Variants in PKIB observed in about 807,000 individuals in gnomAD.
The protein encoded by PKIB is cAMP-dependent protein kinase inhibitor beta.
PKIB carries 2 observed loss-of-function variants against 4.5 expected under a neutral mutation model. That is an observed-to-expected ratio of 0.44 (90% CI 0.18 to 1.39). The LOEUF is 1.39. Among genes scored for constraint, PKIB ranks in the 40% most tolerant of loss-of-function variants. PKIB has a pLI of 0.27. For missense variants in PKIB, 94 were observed against 92.6 expected (o/e 1.02, Z -0.06); for synonymous variants, 38 against 36.0 (o/e 1.06, Z -0.20).
rs948658392 is a variant in PKIB, at chr6:122,549,360, T to C, written c.-247-36561T>C. Among the ~76,000 whole-genome samples, 24 of 152,340 alleles carry C rather than the reference T, an allele frequency of 1.6e-4. 3 individuals are homozygous for C. The highest frequency in any genetic ancestry group is 1.4e-3 in the Admixed American group (22 of 15,294). On this transcript the variant is annotated intron_variant, in intron 2 of 6. Transcript: ENST00000392491. ...TTTTTCCAAGAAATTTTTCCTCTTA[T>C]ATTTCTTTTAGACAATTGAATTTCC...
intron 3 of PKIB, among the ~76,000 whole-genome samples, chr6:122,699,772 T>C (rs1054376051): frequency 1.3e-5 from 2 of 152,182 alleles, no homozygotes; most frequent in East Asian, 3.8e-4. Flanking sequence ...TTATTTTTCA[T>C]TGGGTCAGAG....
intron 2 of PKIB, among the ~76,000 whole-genome samples, chr6:122,655,668 G>C (rs1776748679): frequency 6.6e-6 from 1 of 152,016 alleles, no homozygotes; most frequent in African/African-American, 2.4e-5. Flanking sequence ...AGAGAAGACA[G>C]ACATAAATAA....
intron 3 of PKIB, among the ~76,000 whole-genome samples, chr6:122,595,843 C>A (rs375735822): frequency 4.6e-5 from 7 of 152,160 alleles, no homozygotes; most frequent in Admixed American, 1.3e-4. Flanking sequence ...GGGAAAAAGG[C>A]TGAGTGGTGT....
chr6:122,675,577 A>AT (rs142584837), intron 3 of PKIB, among the ~76,000 whole-genome samples: 3 of 152,012 alleles, frequency 2.0e-5, no homozygotes, highest in Non-Finnish European at 4.4e-5. Flanking sequence ...CTTTTGGTGA[A>AT]TTTTTTTTAA....
intron 3 of PKIB, among the ~76,000 whole-genome samples, chr6:122,690,429 G>T (rs139220376): frequency 0.011 from 1,601 of 151,544 alleles, 10 homozygotes; most frequent in Non-Finnish European, 0.018. Flanking sequence ...TTGATTTCAG[G>T]TTACCATGAG....
At chr6:122,577,004 A>G (rs1462394535) in intron 2 of PKIB, among the ~76,000 whole-genome samples, 19 of 152,136 alleles carry the variant, frequency 1.2e-4, no homozygotes, top group Admixed American at 1.2e-3. Flanking sequence ...ATATTAATTC[A>G]TTAAACATTG....
At chr6:122,472,628 T>C (rs145018209) in intron 1 of PKIB, among the ~76,000 whole-genome samples, 3 of 152,264 alleles carry the variant, frequency 2.0e-5, no homozygotes, top group Middle Eastern at 3.4e-3. Flanking sequence ...TTCCCATAAC[T>C]AATAATAAGA....
intron 1 of PKIB, among the ~76,000 whole-genome samples, chr6:122,616,709 AG>A (rs761196472): frequency 2.1e-3 from 318 of 147,946 alleles, no homozygotes; most frequent in African/African-American, 5.0e-3. Context: ...AAGGGTGAGT[AG>A]TTTTTTTTTT....
intron 3 of PKIB, among the ~76,000 whole-genome samples, chr6:122,716,382 CT>C (rs1246828941): frequency 6.6e-6 from 1 of 152,144 alleles, no homozygotes; most frequent in Admixed American, 6.6e-5. Flanking sequence ...GTCTAGTGCT[CT>C]TTACAGTACT....
chr6:122,660,336 T>A (rs1776935271), intron 2 of PKIB, among the ~76,000 whole-genome samples: 1 of 152,210 alleles, frequency 6.6e-6, no homozygotes, highest in African/African-American at 2.4e-5. Flanking sequence ...TCACTCTTCA[T>A]CTCAGCAACT....
intron 2 of PKIB, among the ~76,000 whole-genome samples, chr6:122,648,383 T>C (rs765523701): frequency 6.6e-6 from 1 of 152,166 alleles, no homozygotes; most frequent in Non-Finnish European, 1.5e-5. Flanking sequence ...ATTGAGCACA[T>C]ACATATTTAG....
intron 4 of PKIB, among the ~76,000 whole-genome samples, chr6:122,719,623 C>G (rs955188828): frequency 1.3e-5 from 2 of 151,786 alleles, no homozygotes; most frequent in African/African-American, 4.8e-5. Context: ...TTCAGGGGAT[C>G]TATTGTAGCA....
intron 2 of PKIB, among the ~76,000 whole-genome samples, chr6:122,538,591 A>G (rs1354476947): frequency 1.3e-5 from 2 of 152,048 alleles, no homozygotes; most frequent in African/African-American, 4.8e-5. Context: ...GCCTTGTAGT[A>G]TAGTTTGAAG....
chr6:122,537,435 G>GT (rs1253622357), intron 2 of PKIB, among the ~76,000 whole-genome samples: 1 of 151,936 alleles, frequency 6.6e-6, no homozygotes, highest in Non-Finnish European at 1.5e-5. Flanking sequence ...GAACATTTTG[G>GT]TTTTTTGTCC....
chr6:122,717,455 T>G, intron 3 of PKIB: 1 of 352,926 alleles, frequency 2.8e-6, no homozygotes, highest in Non-Finnish European at 5.1e-6. Flanking sequence ...AAGTCAGTTT[T>G]CATTTCCTTC....
intron 2 of PKIB, chr6:122,484,117 A>G (rs983013930): frequency 1.3e-5 from 2 of 151,898 alleles, no homozygotes; most frequent in African/African-American, 4.8e-5. Flanking sequence ...TGAATTAATG[A>G]ATTTGGTTGT....
intron 2 of PKIB, among the ~76,000 whole-genome samples, chr6:122,645,969 G>T (rs1014375767): frequency 6.6e-6 from 1 of 151,760 alleles, no homozygotes; most frequent in Non-Finnish European, 1.5e-5. Flanking sequence ...AATCAGCCTT[G>T]CCTTTTTTTT....
At chr6:122,636,911 C>T (rs542668689) in intron 2 of PKIB, among the ~76,000 whole-genome samples, 1 of 152,162 alleles carries the variant, frequency 6.6e-6, no homozygotes, top group Admixed American at 6.5e-5. Context: ...GATCAAAGCA[C>T]ATGTAAAAGT....
At chr6:122,605,602 T>G (rs1429550370), upstream of PKIB, among the ~76,000 whole-genome samples, 5 of 152,112 alleles carry the variant, frequency 3.3e-5, no homozygotes, top group East Asian at 9.6e-4. Flanking sequence ...TGAGATATGG[T>G]CATCCTGTAG....
Sources: gnomAD v4.1 joint callset for allele counts (sites outside exome capture counted in the v4.1 genomes callset) on GRCh38, gnomAD v4.1.1 for gene constraint, MANE v1.5 for transcripts, NCBI Gene and HGNC (gene_info 2026-07-23, HGNC 2026-07-21) for gene names.